RFX3: variants seen among roughly 807,000 people sequenced by gnomAD.
RFX3 encodes regulatory factor X3.
RFX3 carries 14 observed loss-of-function variants against 98.6 expected under a neutral mutation model. The observed-to-expected ratio is 0.14, with a 90% CI of 0.09 to 0.22. RFX3 has a LOEUF of 0.22. Among genes scored for constraint, RFX3 ranks in the 10% least tolerant of loss-of-function variants. The pLI, the probability that RFX3 is intolerant of heterozygous loss-of-function variation, is 1.00. For missense variants in RFX3, 639 were observed against 926.9 expected (o/e 0.69, Z 4.03); for synonymous variants, 383 against 328.4 (o/e 1.17, Z -1.80).
At chr9:3,418,566 G>T (rs1280222845) in intron 1 of RFX3, among the ~76,000 whole-genome samples, 1 of 152,016 alleles carries the variant, frequency 6.6e-6, no homozygotes, top group African/African-American at 2.4e-5. Context: ...TTTTAGTAGA[G>T]ACGGGGTTTC....
intron 1 of RFX3, among the ~76,000 whole-genome samples, chr9:3,449,141 T>C (rs951131800): frequency 6.6e-6 from 1 of 152,182 alleles, no homozygotes; most frequent in Non-Finnish European, 1.5e-5. Flanking sequence ...CCTCAAAGAA[T>C]AGAGGTAAGA....
intron 1 of RFX3, among the ~76,000 whole-genome samples, chr9:3,404,016 A>C (rs1446648540): frequency 6.6e-6 from 1 of 151,976 alleles, no homozygotes; most frequent in Non-Finnish European, 1.5e-5. Flanking sequence ...GTTCCTAACT[A>C]TTCTAATGAC....
At chr9:3,492,126 T>C (rs1850767519) in intron 1 of RFX3, among the ~76,000 whole-genome samples, 1 of 152,196 alleles carries the variant, frequency 6.6e-6, no homozygotes, top group Admixed American at 6.5e-5. Flanking sequence ...TAGAAGGTAA[T>C]TAGGTGCTGG....
At chr9:3,452,930 A>G (rs1846797267) in intron 1 of RFX3, among the ~76,000 whole-genome samples, 1 of 152,184 alleles carries the variant, frequency 6.6e-6, no homozygotes, top group Admixed American at 6.5e-5. Flanking sequence ...GTTCTTTTGT[A>G]CCAAATCAGC....
intron 1 of RFX3, among the ~76,000 whole-genome samples, chr9:3,449,463 T>A (rs557156756): frequency 1.9e-3 from 296 of 152,330 alleles, no homozygotes; most frequent in Non-Finnish European, 1.7e-3. Context: ...CTTTTCCTCA[T>A]TGGTGCTGTG....
chr9:3,448,619 A>T (rs1846268070), intron 1 of RFX3, among the ~76,000 whole-genome samples: 2 of 152,174 alleles, frequency 1.3e-5, no homozygotes, highest in Admixed American at 1.3e-4. Context: ...CCTAGTCTCA[A>T]GTAATCCTCC....
intron 1 of RFX3, among the ~76,000 whole-genome samples, chr9:3,396,985 T>C (rs1436919871): frequency 6.6e-6 from 1 of 152,206 alleles, no homozygotes; most frequent in African/African-American, 2.4e-5. Context: ...AATATGGTAC[T>C]AAAATCAAAA....
At chr9:3,504,386 TA>T (rs1392368437) in intron 1 of RFX3, among the ~76,000 whole-genome samples, 9 of 137,760 alleles carry the variant, frequency 6.5e-5, no homozygotes, top group African/African-American at 2.5e-4. Context: ...ATATACCACA[TA>T]GCATATATTG....
At chr9:3,509,788 A>G (rs933600598) in intron 1 of RFX3, among the ~76,000 whole-genome samples, 1 of 145,868 alleles carries the variant, frequency 6.9e-6, no homozygotes, top group African/African-American at 2.7e-5. Flanking sequence ...AGTACATTTG[A>G]GTTCTTTGCC....
chr9:3,498,858 T>C (rs1851295637), intron 1 of RFX3, among the ~76,000 whole-genome samples: 1 of 152,074 alleles, frequency 6.6e-6, no homozygotes, highest in Non-Finnish European at 1.5e-5. Context: ...TAGGAGTCTG[T>C]TGCTGTGCAA....
At chr9:3,498,896 A>C (rs552064065) in intron 1 of RFX3, among the ~76,000 whole-genome samples, 221 of 152,176 alleles carry the variant, frequency 1.5e-3, no homozygotes, top group African/African-American at 5.2e-3. Flanking sequence ...TGCTTTCAGG[A>C]TAAGGAGTAC....
At chr9:3,502,034 G>T (rs1218700062) in intron 1 of RFX3, among the ~76,000 whole-genome samples, 9 of 151,456 alleles carry the variant, frequency 5.9e-5, no homozygotes, top group Admixed American at 2.6e-4. Context: ...GGCGGATCAC[G>T]AGGTCAGGAG....
At chr9:3,232,771 T>TGAGAGAGAGAGAGAGAGA (rs36070658) in intron 15 of RFX3, among the ~76,000 whole-genome samples, 1 of 132,312 alleles carries the variant, frequency 7.6e-6, no homozygotes, top group African/African-American at 2.9e-5. Context: ...GTTTAGAATC[T>TGAGAGAGAGAGAGAGAGA]GAGAGAGAGA....
At chr9:3,483,928 C>A (rs540410595) in intron 1 of RFX3, among the ~76,000 whole-genome samples, 1 of 152,248 alleles carries the variant, frequency 6.6e-6, no homozygotes, top group Non-Finnish European at 1.5e-5. Flanking sequence ...AAGTTCACCA[C>A]CCCCTACTCT....
At chr9:3,230,847 CAAT>C (rs1283272078) in intron 15 of RFX3, among the ~76,000 whole-genome samples, 15 of 152,248 alleles carry the variant, frequency 9.9e-5, no homozygotes, top group African/African-American at 3.4e-4. Flanking sequence ...TATTGCTGAT[CAAT>C]AATATCACAC....
chr9:3,446,662 A>G (rs1032192614), intron 1 of RFX3, among the ~76,000 whole-genome samples: 1 of 151,760 alleles, frequency 6.6e-6, no homozygotes, highest in African/African-American at 2.4e-5. Context: ...TTCCTTCTCA[A>G]TTCTTTATGA....
intron 1 of RFX3, chr9:3,400,053 G>A (rs1347790971): frequency 6.4e-6 from 1 of 157,124 alleles, no homozygotes; most frequent in Admixed American, 6.6e-5. Flanking sequence ...CCATTTTACT[G>A]CTAGAAATGT....
At chr9:3,497,511 A>G (rs929171358) in intron 1 of RFX3, among the ~76,000 whole-genome samples, 4 of 151,996 alleles carry the variant, frequency 2.6e-5, no homozygotes, top group African/African-American at 9.7e-5. Context: ...ATCACTTAGC[A>G]GGAAAAAGAT....
intron 1 of RFX3, among the ~76,000 whole-genome samples, chr9:3,410,838 C>T (rs12340535): frequency 0.21 from 31,612 of 152,058 alleles, 5,949 homozygotes; most frequent in African/African-American, 0.5. Flanking sequence ...CCAACCACGC[C>T]GCTTGATTTC....
Sources: allele counts gnomAD v4.1 joint callset (sites outside exome capture counted in the v4.1 genomes callset), GRCh38; gene constraint gnomAD v4.1.1; transcripts MANE v1.5; gene names NCBI Gene and HGNC (gene_info 2026-07-23, HGNC 2026-07-21).